HRH1: variants seen among roughly 807,000 people sequenced by gnomAD.
The protein encoded by HRH1 is histamine receptor H1.
In HRH1, 6 loss-of-function variants were observed where a neutral mutation model predicts 10.3. The observed-to-expected ratio is 0.58, with a 90% CI of 0.32 to 1.15. The LOEUF (loss-of-function observed/expected upper bound fraction) is 1.15. Ranked by LOEUF, HRH1 falls within the 50% of genes most tolerant of loss-of-function variation. The pLI is 0.05. For missense variants in HRH1, 514 were observed against 615.3 expected, an observed-to-expected ratio of 0.84 and a Z score of 1.74; for synonymous variants, 242 against 236.7, an observed-to-expected ratio of 1.02 and a Z score of -0.21.
chr3:11,217,834 T>C (rs1938565194), intron 1 of HRH1, among the ~76,000 whole-genome samples: 1 of 152,172 alleles, frequency 6.6e-6, no homozygotes, highest in African/African-American at 2.4e-5. Context: ...AGACATTATA[T>C]ACCACCTAGA....
At chr3:11,182,136 C>A (rs552110737) in intron 1 of HRH1, among the ~76,000 whole-genome samples, 114 of 151,946 alleles carry the variant, frequency 7.5e-4, no homozygotes, top group African/African-American at 2.8e-3. Context: ...GTGCCTGCCA[C>A]CGCACCTGGC....
chr3:11,142,258 C>T (rs548481156), intron 1 of HRH1, among the ~76,000 whole-genome samples: 133 of 152,348 alleles, frequency 8.7e-4, no homozygotes, highest in African/African-American at 3.0e-3. Flanking sequence ...GAGCCTAGGT[C>T]TGTCTCTGAC....
At chr3:11,221,898 C>G (rs1403200908) in intron 1 of HRH1, among the ~76,000 whole-genome samples, 2 of 152,188 alleles carry the variant, frequency 1.3e-5, no homozygotes, top group African/African-American at 4.8e-5. Context: ...CCTCAAGGTT[C>G]ATCCAGGTGA....
intron 1 of HRH1, among the ~76,000 whole-genome samples, chr3:11,201,690 C>T (rs963740827): frequency 6.6e-6 from 1 of 152,184 alleles, no homozygotes; most frequent in African/African-American, 2.4e-5. Flanking sequence ...CAGGTGTCAC[C>T]AGGGCTGTTG....
chr3:11,254,680 A>C (rs891923058), intron 1 of HRH1, among the ~76,000 whole-genome samples: 8 of 152,000 alleles, frequency 5.3e-5, no homozygotes, highest in Non-Finnish European at 1.0e-4. Context: ...ATGATCTGAG[A>C]CCCTCCCCGG....
chr3:11,222,867 C>T (rs1301096661), intron 1 of HRH1, among the ~76,000 whole-genome samples: 1 of 152,260 alleles, frequency 6.6e-6, no homozygotes, highest in African/African-American at 2.4e-5. Flanking sequence ...AAAGGATTTT[C>T]TCTTTTCAGA....
At chr3:11,249,948 T>A (rs1409472586) in intron 1 of HRH1, among the ~76,000 whole-genome samples, 1 of 151,130 alleles carries the variant, frequency 6.6e-6, no homozygotes, top group Non-Finnish European at 1.5e-5. Context: ...TAGTTTGAGG[T>A]GAGTTAGACT....
At chr3:11,140,172 C>G (rs934955549) in intron 1 of HRH1, among the ~76,000 whole-genome samples, 2 of 152,158 alleles carry the variant, frequency 1.3e-5, no homozygotes, top group African/African-American at 4.8e-5. Context: ...TGCGATGGGA[C>G]ATAAAAGCTT....
intron 1 of HRH1, among the ~76,000 whole-genome samples, chr3:11,148,681 C>T (rs1260953470): frequency 6.6e-6 from 1 of 152,150 alleles, no homozygotes; most frequent in African/African-American, 2.4e-5. Context: ...GAAATCATCA[C>T]AACACTTCCC....
chr3:11,176,168 C>CAAA (rs3082255), intron 1 of HRH1, among the ~76,000 whole-genome samples: 16,056 of 119,696 alleles, frequency 0.13, 1,635 homozygotes, highest in African/African-American at 0.29. Flanking sequence ...GAACCTGTCT[C>CAAA]AAAAAAAAAA....
chr3:11,225,638 A>G (rs895344837), intron 1 of HRH1, among the ~76,000 whole-genome samples: 23 of 152,272 alleles, frequency 1.5e-4, no homozygotes, highest in Admixed American at 3.9e-4. Flanking sequence ...TAGTGAAAAA[A>G]GTCTGATCAG....
At chr3:11,257,341 A>C (rs886391042) in intron 1 of HRH1, among the ~76,000 whole-genome samples, 9 of 151,692 alleles carry the variant, frequency 5.9e-5, no homozygotes, top group Non-Finnish European at 1.0e-4. Flanking sequence ...GGATCACCTG[A>C]GGTCAGGAGT....
chr3:11,199,244 G>T (rs998547548), intron 1 of HRH1, among the ~76,000 whole-genome samples: 1 of 152,142 alleles, frequency 6.6e-6, no homozygotes, highest in Non-Finnish European at 1.5e-5. Context: ...CAGGGATAGA[G>T]AGGTTAAGCA....
At chr3:11,243,128 G>A (rs1315884299) in intron 1 of HRH1, among the ~76,000 whole-genome samples, 1 of 152,292 alleles carries the variant, frequency 6.6e-6, no homozygotes, top group East Asian at 1.9e-4. Flanking sequence ...TGGCCAGGCT[G>A]GTCTCAAACT....
At chr3:11,171,740 T>C (rs1215507430) in intron 1 of HRH1, among the ~76,000 whole-genome samples, 1 of 152,178 alleles carries the variant, frequency 6.6e-6, no homozygotes, top group Non-Finnish European at 1.5e-5. Context: ...AGAAGGGGAC[T>C]CCCCCAACTC....
chr3:11,250,123 G>A (rs779215545), intron 1 of HRH1, among the ~76,000 whole-genome samples: 4 of 143,600 alleles, frequency 2.8e-5, no homozygotes, highest in Admixed American at 1.5e-4. Context: ...GCTCACTGCA[G>A]GCTCCGACTC....
chr3:11,241,268 T>C (rs1939328880), intron 1 of HRH1, among the ~76,000 whole-genome samples: 1 of 134,098 alleles, frequency 7.5e-6, no homozygotes, highest in Admixed American at 8.2e-5. Context: ...GACATTGTCC[T>C]GTACAAACAA....
At chr3:11,254,117 C>T (rs1191000292) in intron 1 of HRH1, among the ~76,000 whole-genome samples, 1 of 152,114 alleles carries the variant, frequency 6.6e-6, no homozygotes, top group African/African-American at 2.4e-5. Flanking sequence ...TATTTCCTAT[C>T]TTTTGTCTTA....
At chr3:11,250,007 G>C (rs890809138) in intron 1 of HRH1, among the ~76,000 whole-genome samples, 1 of 149,800 alleles carries the variant, frequency 6.7e-6, no homozygotes, top group African/African-American at 2.4e-5. Context: ...AAGAGGAAAA[G>C]GAGGAAGAGG....
Sources: gnomAD v4.1 joint callset for allele counts (sites outside exome capture counted in the v4.1 genomes callset) on GRCh38, gnomAD v4.1.1 for gene constraint, MANE v1.5 for transcripts, NCBI Gene and HGNC (gene_info 2026-07-23, HGNC 2026-07-21) for gene names.